The following TUSC3 variants were observed in gnomAD, a reference collection of about 807,000 sequenced individuals.
TUSC3 encodes tumor suppressor candidate 3.
Under a neutral mutation model 44.8 loss-of-function variants are expected in TUSC3, and 45 were observed. The ratio of observed to expected loss-of-function variants is 1.00; its 90% CI spans 0.79 to 1.29. TUSC3 has a LOEUF of 1.29. Ranked by LOEUF, TUSC3 falls within the 50% of genes most tolerant of loss-of-function variation. The pLI, the probability that TUSC3 is intolerant of heterozygous loss-of-function variation, is 0.00. For missense variants in TUSC3, 519 were observed against 437.9 expected, an observed-to-expected ratio of 1.19 and a Z score of -1.65; for synonymous variants, 212 against 152.9, an observed-to-expected ratio of 1.39 and a Z score of -2.85.
chr8:15,826,857 T>C, the TUSC3 span, among the ~76,000 whole-genome samples: 1 of 152,120 alleles, frequency 6.6e-6, no homozygotes, highest in Non-Finnish European at 1.5e-5. Context: ...ATGTGTTTGT[T>C]GTGAGGAGTA....
intron 1 of TUSC3, among the ~76,000 whole-genome samples, chr8:15,545,307 G>A (rs190236856): frequency 2.6e-5 from 4 of 151,756 alleles, no homozygotes; most frequent in Non-Finnish European, 4.4e-5. Flanking sequence ...ACATGAGGGG[G>A]TCTAGGTGAT....
intron 6 of TUSC3, among the ~76,000 whole-genome samples, chr8:15,709,251 A>C (rs58349226): frequency 0.065 from 9,852 of 151,884 alleles, 418 homozygotes; most frequent in East Asian, 0.21. Flanking sequence ...AAAAGTTTTT[A>C]TGTTAGTAAT....
intron 2 of TUSC3, among the ~76,000 whole-genome samples, chr8:15,632,277 G>T (rs1805807015): frequency 6.6e-6 from 1 of 151,688 alleles, no homozygotes; most frequent in Non-Finnish European, 1.5e-5. Context: ...TTTTCCCTGA[G>T]GAATCCAAGC....
chr8:15,508,886 C>T (rs1479086462), intron 2 of TUSC3, among the ~76,000 whole-genome samples: 1 of 152,194 alleles, frequency 6.6e-6, no homozygotes, highest in African/African-American at 2.4e-5. Context: ...TACCTTAATT[C>T]TTCCATGTAG....
At chr8:15,516,026 T>G (rs1298643205) in intron 2 of TUSC3, among the ~76,000 whole-genome samples, 1 of 152,188 alleles carries the variant, frequency 6.6e-6, no homozygotes, top group African/African-American at 2.4e-5. Context: ...CTCAGAATTT[T>G]CTATTGTGTG....
At chr8:15,827,119 C>T in the TUSC3 span, among the ~76,000 whole-genome samples, 3 of 152,056 alleles carry the variant, frequency 2.0e-5, no homozygotes, top group African/African-American at 4.8e-5. Flanking sequence ...CTTTTCTTAC[C>T]GATATGGAGG....
intron 1 of TUSC3, among the ~76,000 whole-genome samples, chr8:15,574,220 C>T (rs1447004922): frequency 6.6e-6 from 1 of 152,086 alleles, no homozygotes; most frequent in Non-Finnish European, 1.5e-5. Context: ...ATTCCTTACT[C>T]CCACCCTTCC....
At chr8:15,783,412 C>T in the TUSC3 span, among the ~76,000 whole-genome samples, 4 of 152,110 alleles carry the variant, frequency 2.6e-5, no homozygotes, top group South Asian at 8.3e-4. Flanking sequence ...TCCTAAATAG[C>T]TGAAGCAATC....
intron 1 of TUSC3, among the ~76,000 whole-genome samples, chr8:15,456,948 A>T (rs1247882274): frequency 6.6e-6 from 1 of 152,210 alleles, no homozygotes; most frequent in Non-Finnish European, 1.5e-5. Flanking sequence ...GGGCACCTTT[A>T]TGAAAATAAA....
chr8:15,517,522 C>CAAAAAAAAAAAAAAAAAAAAA (rs71211049), intron 2 of TUSC3, among the ~76,000 whole-genome samples: 1 of 77,576 alleles, frequency 1.3e-5, no homozygotes, highest in Non-Finnish European at 2.1e-5. Flanking sequence ...TAGCGTGAGG[C>CAAAAAAAAAAAAAAAAAAAAA]AAAAAAAAAA....
At chr8:15,568,231 A>G (rs1210210039) in intron 1 of TUSC3, among the ~76,000 whole-genome samples, 1 of 152,140 alleles carries the variant, frequency 6.6e-6, no homozygotes, top group Non-Finnish European at 1.5e-5. Flanking sequence ...GATGCTAAGC[A>G]AAAAACACAA....
intron 6 of TUSC3, among the ~76,000 whole-genome samples, chr8:15,713,477 T>C (rs1176324422): frequency 6.6e-6 from 1 of 152,160 alleles, no homozygotes; most frequent in East Asian, 1.9e-4. Flanking sequence ...TTTTTGTCAG[T>C]TGTAATAGAT....
chr8:15,517,522 C>CAAAAAAAAAAAAAA (rs71211049), intron 2 of TUSC3, among the ~76,000 whole-genome samples: 2 of 77,576 alleles, frequency 2.6e-5, no homozygotes, highest in African/African-American at 1.6e-4. Flanking sequence ...TAGCGTGAGG[C>CAAAAAAAAAAAAAA]AAAAAAAAAA....
upstream of TUSC3, among the ~76,000 whole-genome samples, chr8:15,538,008 G>A (rs1486569377): frequency 6.6e-6 from 1 of 152,170 alleles, no homozygotes; most frequent in Non-Finnish European, 1.5e-5. Flanking sequence ...TGTAAGTGGA[G>A]CTCTTATGTA....
the TUSC3 span, among the ~76,000 whole-genome samples, chr8:15,824,019 C>G: frequency 2.6e-5 from 4 of 152,352 alleles, no homozygotes; most frequent in Non-Finnish European, 5.9e-5. Context: ...TTTTGGTTCT[C>G]AAAAAATTTT....
At chr8:15,834,610 T>G in the TUSC3 span, among the ~76,000 whole-genome samples, 1 of 152,202 alleles carries the variant, frequency 6.6e-6, no homozygotes, top group African/African-American at 2.4e-5. Flanking sequence ...GGGTAATCAT[T>G]GAATTTTCTT....
At chr8:15,573,200 C>CTATATATA (rs756046911) in intron 1 of TUSC3, among the ~76,000 whole-genome samples, 261 of 99,340 alleles carry the variant, frequency 2.6e-3, no homozygotes, top group African/African-American at 3.6e-3. Flanking sequence ...CTCTCTCTCT[C>CTATATATA]TCTATATATA....
intron 2 of TUSC3, among the ~76,000 whole-genome samples, chr8:15,637,267 C>T (rs985846360): frequency 2.6e-5 from 4 of 152,064 alleles, no homozygotes; most frequent in Non-Finnish European, 5.9e-5. Context: ...CTCTTACCTG[C>T]TTTTAATCCT....
At chr8:15,468,343 A>G (rs1192252444) in intron 1 of TUSC3, among the ~76,000 whole-genome samples, 1 of 152,050 alleles carries the variant, frequency 6.6e-6, no homozygotes, top group Non-Finnish European at 1.5e-5. Context: ...TCATTTCACT[A>G]CTCCAGTCCT....
Sources: gnomAD v4.1 joint callset for allele counts (sites outside exome capture counted in the v4.1 genomes callset) on GRCh38, gnomAD v4.1.1 for gene constraint, MANE v1.5 for transcripts, NCBI Gene and HGNC (gene_info 2026-07-23, HGNC 2026-07-21) for gene names.